The following NTRK2 variants were observed in gnomAD, a reference collection of about 807,000 sequenced individuals.
NTRK2 encodes neurotrophic receptor tyrosine kinase 2.
In NTRK2, 13 loss-of-function variants were observed where a neutral mutation model predicts 94.5. That is an observed-to-expected ratio of 0.14 (90% confidence interval 0.09 to 0.22). NTRK2 has a LOEUF of 0.22. Ranked by LOEUF, NTRK2 falls within the 10% of genes least tolerant of loss-of-function variation. The probability of loss-of-function intolerance (pLI) is 1.00; values close to 1 mark genes in which losing one functional copy is unlikely to be tolerated. For missense variants in NTRK2, 639 were observed against 1,071.2 expected, an observed-to-expected ratio of 0.60 and a Z score of 5.63; for synonymous variants, 372 against 407.4, an observed-to-expected ratio of 0.91 and a Z score of 1.05.
At chr9:84,852,542 A>G (rs987060315) in intron 12 of NTRK2, among the ~76,000 whole-genome samples, 1 of 152,194 alleles carries the variant, frequency 6.6e-6, no homozygotes, top group Non-Finnish European at 1.5e-5. Context: ...CAAAGTTCCA[A>G]TCATGGAAAC....
chr9:85,014,912 T>C (rs998313268), intron 17 of NTRK2, among the ~76,000 whole-genome samples: 1 of 152,234 alleles, frequency 6.6e-6, no homozygotes, highest in African/African-American at 2.4e-5. Context: ...AGTTCTTTTC[T>C]TGATATATTT....
chr9:84,744,908 C>T (rs2132374538), intron 10 of NTRK2, 65 bp from the exon 11 acceptor site: 1 of 1,077,042 alleles, frequency 9.3e-7, no homozygotes, highest in Non-Finnish European at 1.5e-6. Context: ...TACTGTGGCC[C>T]TGTGTTTGTT....
intron 18 of NTRK2, 28 bp downstream of exon 18, chr9:85,020,392 C>T: frequency 6.2e-7 from 1 of 1,612,712 alleles, no homozygotes; most frequent in Non-Finnish European, 8.5e-7. Flanking sequence ...CCAAGACCCT[C>T]CAGAGGGCTG....
At chr9:84,727,349 G>T (rs559211693) in intron 8 of NTRK2, among the ~76,000 whole-genome samples, 2 of 152,068 alleles carry the variant, frequency 1.3e-5, no homozygotes, top group Non-Finnish European at 2.9e-5. Flanking sequence ...AACTCTTTCC[G>T]CTGTCAGAAA....
chr9:84,702,236 G>A lies in NTRK2; in HGVS notation c.287+3G>A, dbSNP rs1449585956. 3 of 1,613,942 alleles carry A rather than the reference G, an allele frequency of 1.9e-6. No individual in the cohort carries two copies. Among genetic ancestry groups the A allele is most frequent in the Non-Finnish European group, 2.5e-6 (3 of 1,179,912 alleles). On this transcript the variant is annotated splice_donor_region_variant and intron_variant, in intron 3 of 18. Coordinates refer to ENST00000277120, the MANE Select transcript of NTRK2 (RefSeq NM_006180.6). ...GCTTATGTGGGACTGAGAAATCTGT[G>A]AGTACTCAGGACCAGGGCACATTAT...
chr9:84,927,432 G>C (rs994582813), intron 14 of NTRK2, among the ~76,000 whole-genome samples: 4 of 152,080 alleles, frequency 2.6e-5, no homozygotes, highest in Non-Finnish European at 5.9e-5. Flanking sequence ...AGGTTATAAG[G>C]TCCTTGAAGA....
At chr9:84,907,263 A>G (rs1270863763) in intron 14 of NTRK2, among the ~76,000 whole-genome samples, 2 of 152,242 alleles carry the variant, frequency 1.3e-5, no homozygotes, top group Admixed American at 1.3e-4. Context: ...AAAGGCAAAG[A>G]AATACGGTGA....
chr9:84,893,376 C>A (rs1360161128), intron 14 of NTRK2, among the ~76,000 whole-genome samples: 1 of 152,188 alleles, frequency 6.6e-6, no homozygotes, highest in African/African-American at 2.4e-5. Flanking sequence ...CCAGAGGCAG[C>A]TATGCTGAGA....
chr9:84,965,278 A>T (rs924109921), intron 17 of NTRK2, among the ~76,000 whole-genome samples: 3 of 152,244 alleles, frequency 2.0e-5, no homozygotes, highest in Non-Finnish European at 4.4e-5. Flanking sequence ...TTAATCCAAG[A>T]TAGTTTTGCA....
rs373700021 is a variant in NTRK2, at chr9:84,725,975, C to T, written c.853+1619C>T. Among the ~76,000 whole-genome samples, 34 of 152,172 alleles carry T rather than the reference C, an allele frequency of 2.2e-4. No individual in the cohort carries two copies. The East Asian group carries it at 5.2e-3, about 23-fold the overall frequency. ...GTAAATTATGAAAGTGAATTGGGTCCTTTTATCGGCTTTGCTTCTTCCTAG... is the reference window on the plus strand; with the variant it reads ...GTAAATTATGAAAGTGAATTGGGTCTTTTTATCGGCTTTGCTTCTTCCTAG... On this transcript the variant is annotated intron_variant, in intron 8 of 18. Coordinates refer to ENST00000277120, the MANE Select transcript of NTRK2 (RefSeq NM_006180.6).
chr9:84,770,456 G>A (rs920099179), intron 12 of NTRK2, among the ~76,000 whole-genome samples: 72 of 152,140 alleles, frequency 4.7e-4, no homozygotes, highest in African/African-American at 1.7e-3. Flanking sequence ...TCCCCTCCCT[G>A]TTCCCCTCTC....
At chr9:84,672,445 G>T (rs1259410381) in intron 2 of NTRK2, among the ~76,000 whole-genome samples, 1 of 152,310 alleles carries the variant, frequency 6.6e-6, no homozygotes, top group East Asian at 1.9e-4. Flanking sequence ...GGCTTACCAG[G>T]CTGGTCCAAA....
At chr9:84,854,543 T>C (rs2074963100) in intron 12 of NTRK2, among the ~76,000 whole-genome samples, 1 of 152,008 alleles carries the variant, frequency 6.6e-6, no homozygotes, top group Non-Finnish European at 1.5e-5. Flanking sequence ...AATGAGATGA[T>C]AGAGAGTGGA....
chr9:84,970,846 C>T (rs898207504), intron 17 of NTRK2, among the ~76,000 whole-genome samples: 4 of 152,210 alleles, frequency 2.6e-5, no homozygotes, highest in African/African-American at 9.6e-5. Context: ...TGCTTTCAAA[C>T]AATGCTTAAA....
rs115827822 is a variant in NTRK2, at chr9:84,750,347, G to C, written c.1297-1639G>C. Among the ~76,000 whole-genome samples the C allele has an allele frequency of 4.8e-3, 732 of 152,284 alleles. 9 individuals carry two copies. Among genetic ancestry groups the C allele is most frequent in the African/African-American group, 0.017 (694 of 41,548 alleles). On this transcript the variant is annotated intron_variant, in intron 11 of 18. Transcript: ENST00000277120. Reference sequence around the variant, plus strand: ...TACACCCTGGCAGTGACACAAGTCTGAACTAGTCACATGAACCACTTAACC... The same window carrying C: ...TACACCCTGGCAGTGACACAAGTCTCAACTAGTCACATGAACCACTTAACC...
At chr9:84,705,327 C>T (rs1487242128) in intron 4 of NTRK2, among the ~76,000 whole-genome samples, 2 of 152,144 alleles carry the variant, frequency 1.3e-5, no homozygotes, top group African/African-American at 2.4e-5. Context: ...GTGAGAAAAG[C>T]TGGTATTTGT....
At chr9:84,793,491 G>C (rs1328160629) in intron 12 of NTRK2, among the ~76,000 whole-genome samples, 1 of 152,246 alleles carries the variant, frequency 6.6e-6, no homozygotes, top group East Asian at 1.9e-4. Flanking sequence ...TAGTGAGTGT[G>C]GCCACCTGGA....
chr9:84,945,248 C>T (rs945640858), intron 15 of NTRK2, among the ~76,000 whole-genome samples: 1 of 151,860 alleles, frequency 6.6e-6, no homozygotes, highest in Non-Finnish European at 1.5e-5. Flanking sequence ...CATTCTTCCT[C>T]ACATTCTTTT....
chr9:85,014,714 A>G (rs1564551881), intron 17 of NTRK2, among the ~76,000 whole-genome samples: 1 of 152,220 alleles, frequency 6.6e-6, no homozygotes, highest in Non-Finnish European at 1.5e-5. Context: ...CTAATGCAAG[A>G]TATTTACACC....
Sources: allele counts gnomAD v4.1 joint callset (sites outside exome capture counted in the v4.1 genomes callset), GRCh38; gene constraint gnomAD v4.1.1; transcripts MANE v1.5; gene names NCBI Gene and HGNC (gene_info 2026-07-23, HGNC 2026-07-21).